Variants in GALNT16 observed in about 807,000 individuals in gnomAD.
GALNT16 encodes polypeptide N-acetylgalactosaminyltransferase 16.
Under a neutral mutation model 76.1 loss-of-function variants are expected in GALNT16, and 40 were observed. The observed-to-expected ratio is 0.53, with a 90% CI of 0.41 to 0.68. The LOEUF is 0.68. Among genes scored for constraint, GALNT16 ranks in the 30% least tolerant of loss-of-function variants. The probability of loss-of-function intolerance (pLI) is 0.00; values close to 1 mark genes in which losing one functional copy is unlikely to be tolerated. For synonymous variants in GALNT16, 276 were observed against 285.2 expected (o/e 0.97, Z 0.32); for missense variants, 621 against 731.9 (o/e 0.85, Z 1.75).
At chr14:69,344,185 C>G (rs1057310131) in intron 12 of GALNT16, among the ~76,000 whole-genome samples, 1 of 152,204 alleles carries the variant, frequency 6.6e-6, no homozygotes, top group Non-Finnish European at 1.5e-5. Flanking sequence ...CTAGGCCTGC[C>G]GTGGCTCTGC....
chr14:69,345,871 T>G (rs1481213154), intron 12 of GALNT16, among the ~76,000 whole-genome samples: 1 of 150,988 alleles, frequency 6.6e-6, no homozygotes, highest in Non-Finnish European at 1.5e-5. Context: ...TTTCACAGAG[T>G]CATTTTTTAA....
At chr14:69,376,538 T>C in the GALNT16 span, among the ~76,000 whole-genome samples, 2 of 152,136 alleles carry the variant, frequency 1.3e-5, no homozygotes, top group African/African-American at 4.8e-5. Context: ...TGTTTAGTAA[T>C]ACATTGCACC....
the GALNT16 span, among the ~76,000 whole-genome samples, chr14:69,379,461 A>C: frequency 3.3e-5 from 5 of 152,322 alleles, no homozygotes; most frequent in East Asian, 7.7e-4. Context: ...CTAATGTGCA[A>C]GTAGAGGCAG....
At chr14:69,313,615 T>C (rs1375899744) in intron 1 of GALNT16, among the ~76,000 whole-genome samples, 1 of 152,248 alleles carries the variant, frequency 6.6e-6, no homozygotes, top group Non-Finnish European at 1.5e-5. Context: ...TGGAAAGCTG[T>C]GCAGTCATCA....
rs778979808 is a variant in GALNT16 at position 69,352,124 on chromosome 14, G to A, written c.1633G>A (p.Ala545Thr). 1 of 1,613,882 alleles carries A rather than the reference G, an allele frequency of 6.2e-7. No individual in the cohort carries two copies. The highest frequency in any genetic ancestry group is 8.5e-7 in the Non-Finnish European group (1 of 1,179,798). Residue 545 changes from alanine to threonine, a missense_variant, in exon 15 of 15, where the codon GCT becomes ACT. Transcript: ENST00000448469. ...CCAGCTGGTGACCAGCAAGTGTCAGGCTGACGCCCAGGCCCAGCAGTGGCA... is the reference window on the plus strand; with the variant it reads ...CCAGCTGGTGACCAGCAAGTGTCAGACTGACGCCCAGGCCCAGCAGTGGCA... ...PAQLVTSKCQ[A>T]DAQAQQWQLL...
At chr14:69,299,831 A>G (rs1306641189) in intron 1 of GALNT16, among the ~76,000 whole-genome samples, 1 of 152,178 alleles carries the variant, frequency 6.6e-6, no homozygotes, top group Non-Finnish European at 1.5e-5. Context: ...TGGGAACCCC[A>G]TCTTCACCAT....
intron 1 of GALNT16, among the ~76,000 whole-genome samples, chr14:69,307,578 T>C (rs2140146835): frequency 6.6e-6 from 1 of 152,210 alleles, no homozygotes; most frequent in Middle Eastern, 3.4e-3. Flanking sequence ...ATTACCTCCT[T>C]TCCGCAGCTA....
At chr14:69,275,805 T>C (rs982320820) in intron 1 of GALNT16, among the ~76,000 whole-genome samples, 1 of 152,212 alleles carries the variant, frequency 6.6e-6, no homozygotes, top group African/African-American at 2.4e-5. Flanking sequence ...GAGGCTGCAG[T>C]GAGCTATGAT....
At chr14:69,320,654 G>T in intron 1 of GALNT16, 57 bp from the exon 2 acceptor site, 3 of 1,538,484 alleles carry the variant, frequency 1.9e-6, no homozygotes, top group South Asian at 2.4e-5. Flanking sequence ...CTGAGCACTC[G>T]CCAAGCAGTG....
In GALNT16 at chr14:69,339,623, G is replaced by A. The variant is rs1294262453; in HGVS notation, c.1187+4G>A. ...CCATCGGGAAGGCCTTCGGCAGGTG[G>A]GCCCCCCCAGCTCCACTGTCTGACT... On this transcript the variant is annotated splice_donor_region_variant and intron_variant, in intron 11 of 14. Transcript: ENST00000448469. 2 of 1,571,016 alleles carry A rather than the reference G, an allele frequency of 1.3e-6. No individual in the cohort carries two copies. Among genetic ancestry groups the A allele is most frequent in the South Asian group, 2.3e-5 (2 of 87,606 alleles).
chr14:69,322,416 T>C (rs1396384049), intron 2 of GALNT16, among the ~76,000 whole-genome samples: 2 of 152,226 alleles, frequency 1.3e-5, no homozygotes, highest in Non-Finnish European at 2.9e-5. Flanking sequence ...AATTGAGGGC[T>C]TGCCCTGGAT....
At chr14:69,348,367 C>T (rs1345659372) in intron 14 of GALNT16, 1 of 423,200 alleles carries the variant, frequency 2.4e-6, no homozygotes, top group Non-Finnish European at 4.2e-6. Context: ...ATCTAATCCT[C>T]CCAGCCACCC....
In GALNT16 at chr14:69,291,820, C is replaced by T. The variant is rs74059941; in HGVS notation, c.178-28891C>T. ...AGAATGCTCACAGGCTTATAAGAGC[C>T]GAACTGAGAAACCGTGTGAAATTGC... On this transcript the variant is annotated intron_variant, in intron 1 of 14. Transcript: ENST00000448469. 7.7e-3 allele frequency among the ~76,000 whole-genome samples: 1,177 copies of T among 152,226 alleles called. 15 individuals carry two copies. Among genetic ancestry groups the T allele is most frequent in the African/African-American group, 0.027 (1,125 of 41,534 alleles).
rs991910123 is a variant in GALNT16, at chr14:69,328,536, G to A, written c.655G>A (p.Glu219Lys). The change falls in exon 6 of 15, where the codon GAG (glutamate) becomes AAG (lysine). Residue 219 changes from glutamate (E) to lysine (K), a missense_variant. Glu to Lys is a moderately conservative substitution (Grantham distance 56). Coordinates refer to ENST00000448469, the MANE Select transcript of GALNT16 (RefSeq NM_001168368.2). Reference protein sequence around the residue: ...FLDSHCEVNTEWLPPMLQRVK... With the variant: ...FLDSHCEVNTKWLPPMLQRVK... ...GGATAGCCACTGCGAAGTGAACACCGAGTGGCTGCCGCCCATGCTGCAGCG... is the reference window on the plus strand; with the variant it reads ...GGATAGCCACTGCGAAGTGAACACCAAGTGGCTGCCGCCCATGCTGCAGCG... The A allele has an allele frequency of 1.2e-5, 19 of 1,613,658 alleles. No individual in the cohort carries two copies. Among genetic ancestry groups the A allele is most frequent in the South Asian group, 2.2e-5 (2 of 91,070 alleles).
At chr14:69,368,111 G>A in the GALNT16 span, among the ~76,000 whole-genome samples, 3 of 152,094 alleles carry the variant, frequency 2.0e-5, no homozygotes, top group African/African-American at 7.2e-5. Flanking sequence ...CTATTAGAGG[G>A]TAGTGATGGA....
At chr14:69,302,026 A>C (rs1200989599) in intron 1 of GALNT16, among the ~76,000 whole-genome samples, 2 of 152,166 alleles carry the variant, frequency 1.3e-5, no homozygotes, top group Non-Finnish European at 2.9e-5. Flanking sequence ...GGGATTCTTA[A>C]CAAGAAGTTG....
chr14:69,301,444 C>T (rs1295691815), intron 1 of GALNT16, among the ~76,000 whole-genome samples: 6 of 152,132 alleles, frequency 3.9e-5, no homozygotes, highest in Non-Finnish European at 8.8e-5. Context: ...CCCTCCACCT[C>T]CTGGGTTCAA....
chr14:69,316,340 G>T (rs909121182), intron 1 of GALNT16, among the ~76,000 whole-genome samples: 7 of 152,152 alleles, frequency 4.6e-5, no homozygotes, highest in African/African-American at 1.7e-4. Flanking sequence ...AATCACCAAG[G>T]TTTTTCTCTG....
At chr14:69,377,119 T>C in the GALNT16 span, among the ~76,000 whole-genome samples, 13 of 152,320 alleles carry the variant, frequency 8.5e-5, no homozygotes, top group Non-Finnish European at 1.3e-4. Flanking sequence ...GTGTCCCCTG[T>C]GCTTTTGATT....
Sources: allele counts gnomAD v4.1 joint callset (sites outside exome capture counted in the v4.1 genomes callset), GRCh38; gene constraint gnomAD v4.1.1; transcripts MANE v1.5; gene names NCBI Gene and HGNC (gene_info 2026-07-23, HGNC 2026-07-21).